Variants in PDZD2 observed in about 807,000 individuals in gnomAD.
The protein encoded by PDZD2 is PDZ domain containing 2, also known as PDZ domain-containing protein 2.
In PDZD2, 90 loss-of-function variants were observed where a neutral mutation model predicts 220.7. The observed-to-expected ratio is 0.41, with a 90% CI of 0.34 to 0.49. PDZD2 has a LOEUF of 0.49. Among genes scored for constraint, PDZD2 ranks in the 20% least tolerant of loss-of-function variants. The pLI is 0.28. For synonymous variants in PDZD2, 1,375 were observed against 1,450.5 expected, an observed-to-expected ratio of 0.95 and a Z score of 1.18; for missense variants, 3,174 against 3,608.5, an observed-to-expected ratio of 0.88 and a Z score of 3.08.
At chr5:31,932,133 G>A (rs919099497) in intron 2 of PDZD2, among the ~76,000 whole-genome samples, 67 of 152,174 alleles carry the variant, frequency 4.4e-4, no homozygotes, top group Admixed American at 4.3e-3. Flanking sequence ...AAGGGGAGAA[G>A]GAAATGTTAG....
intron 1 of PDZD2, among the ~76,000 whole-genome samples, chr5:31,760,911 A>G (rs1051334160): frequency 1.3e-5 from 2 of 152,204 alleles, no homozygotes; most frequent in Non-Finnish European, 2.9e-5. Context: ...GATGAGAGCG[A>G]GACCCTGTCT....
chr5:31,803,971 C>T (rs1199069195), intron 2 of PDZD2, among the ~76,000 whole-genome samples: 1 of 150,410 alleles, frequency 6.6e-6, no homozygotes, highest in Admixed American at 6.6e-5. Context: ...CCCAGGAGGT[C>T]GATCGAGGCT....
chr5:32,011,349 A>T (rs1189910321), intron 6 of PDZD2, among the ~76,000 whole-genome samples: 1 of 142,182 alleles, frequency 7.0e-6, no homozygotes. Flanking sequence ...AAAAAAAAAA[A>T]TTAGCCAGGT....
chr5:31,939,110 A>G (rs561435218), intron 2 of PDZD2, among the ~76,000 whole-genome samples: 2 of 152,264 alleles, frequency 1.3e-5, no homozygotes, highest in Admixed American at 1.3e-4. Flanking sequence ...TATGAAAAGT[A>G]TGGCGCCCCA....
At chr5:31,937,117 C>T (rs990699521) in intron 2 of PDZD2, among the ~76,000 whole-genome samples, 2 of 152,146 alleles carry the variant, frequency 1.3e-5, no homozygotes, top group Non-Finnish European at 2.9e-5. Flanking sequence ...CAGGGTGTTC[C>T]TTCCGTTGTC....
In PDZD2 at chr5:32,090,992, A is replaced by C; in HGVS notation, c.7544A>C (p.Glu2515Ala). Residue 2515 changes from glutamate (E) to alanine (A), a missense_variant, in exon 20 of 25, where the codon GAG becomes GCG. By Grantham distance (107) the Glu-to-Ala change is moderately radical. Transcript: ENST00000438447. This position sits in a 1 kb window ranked among gnomAD's most constrained non-coding sequence, Gnocchi z 4.3. ...GCCGTGCTCTTCAAAACTGAGCTGG[A>C]GATCACCCCCAGGAGGTCACCTGGC... ...PSAVLFKTEL[E>A]ITPRRSPGPP... 6.2e-7 allele frequency: 1 copy of C among 1,613,914 alleles called. No homozygotes were observed. The highest frequency in any genetic ancestry group is 8.5e-7 in the Non-Finnish European group (1 of 1,179,994).
chr5:31,832,273 G>A (rs975414938), intron 2 of PDZD2, among the ~76,000 whole-genome samples: 13 of 147,056 alleles, frequency 8.8e-5, no homozygotes, highest in African/African-American at 2.5e-4. Flanking sequence ...GAGAAGGGAC[G>A]AATGGAGAGT....
chr5:31,712,716 G>C (rs66794813), intron 1 of PDZD2, among the ~76,000 whole-genome samples: 1 of 152,054 alleles, frequency 6.6e-6, no homozygotes, highest in Non-Finnish European at 1.5e-5. Flanking sequence ...AGGAGTGGAG[G>C]AATACACTTT....
intron 1 of PDZD2, among the ~76,000 whole-genome samples, chr5:31,667,325 G>A (rs948719872): frequency 6.6e-6 from 1 of 151,546 alleles, no homozygotes; most frequent in Non-Finnish European, 1.5e-5. Flanking sequence ...GGGTGAGTGA[G>A]ACACTCAAAA....
intron 2 of PDZD2, among the ~76,000 whole-genome samples, chr5:31,872,269 C>T (rs1023878501): frequency 4.0e-5 from 6 of 151,886 alleles, no homozygotes; most frequent in Non-Finnish European, 7.4e-5. Context: ...ATCTCAGGGT[C>T]GGTCAACTTG....
At chr5:31,881,360 GTGTGTGTGTA>G (rs1199535826) in intron 2 of PDZD2, among the ~76,000 whole-genome samples, 15 of 133,682 alleles carry the variant, frequency 1.1e-4, no homozygotes, top group Admixed American at 2.8e-4. Context: ...GTGTGTGTGT[GTGTGTGTGTA>G]TATATTTTTT....
chr5:32,088,597 C>T lies in PDZD2; in HGVS notation c.5149C>T (p.His1717Tyr), dbSNP rs554527310. ...CAGTCCGCTGTCTAAAGTAGCCAGG[C>T]ATTTTCACAGTCCGCCCATCATTCT... ...ENSPLSKVAR[H>Y]FHSPPIILSS... The change falls in exon 20 of 25, where the codon CAT becomes TAT. Residue 1717 changes from histidine to tyrosine, a missense_variant. By Grantham distance (83) the His-to-Tyr change is moderately conservative. Transcript: ENST00000438447. The surrounding 1 kb of genome is among the most constrained non-coding windows in gnomAD (Gnocchi z 4.6). 11 of 1,614,038 alleles carry T rather than the reference C, an allele frequency of 6.8e-6. No individual in the cohort carries two copies. The highest frequency in any genetic ancestry group is 1.6e-4 in the Middle Eastern group (1 of 6,082).
intron 1 of PDZD2, among the ~76,000 whole-genome samples, chr5:31,791,502 A>G (rs562652822): frequency 7.5e-4 from 107 of 143,360 alleles, no homozygotes; most frequent in Middle Eastern, 3.6e-3. Context: ...AGGCAGGAGA[A>G]TTGCTTGAAC....
At chr5:32,010,608 C>A in intron 6 of PDZD2, 126 bp downstream of exon 6, 1 of 754,954 alleles carries the variant, frequency 1.3e-6, no homozygotes, top group South Asian at 1.4e-5. Context: ...GACACCAGTG[C>A]ATTCTTTCTA....
At chr5:31,986,964 T>C (rs1750770466) in intron 3 of PDZD2, among the ~76,000 whole-genome samples, 1 of 152,212 alleles carries the variant, frequency 6.6e-6, no homozygotes, top group Admixed American at 6.5e-5. Context: ...GTATTTTCTA[T>C]AAAACATTAA....
intron 1 of PDZD2, among the ~76,000 whole-genome samples, chr5:31,678,665 G>T (rs1746537967): frequency 6.6e-6 from 1 of 152,124 alleles, no homozygotes; most frequent in Admixed American, 6.6e-5. Context: ...GCCCAGGTTG[G>T]AGTACAGTGG....
At chr5:31,685,219 A>G (rs1746805092) in intron 1 of PDZD2, among the ~76,000 whole-genome samples, 1 of 151,996 alleles carries the variant, frequency 6.6e-6, no homozygotes, top group Admixed American at 6.6e-5. Context: ...TTTCCAGAGG[A>G]GCTTTCTAAA....
intron 3 of PDZD2, 143 bp downstream of exon 3, chr5:31,983,799 G>A (rs1750499519): frequency 1.2e-6 from 1 of 833,538 alleles, no homozygotes. Flanking sequence ...TGCTTTTAAG[G>A]TTTAAAAAAT....
intron 1 of PDZD2, among the ~76,000 whole-genome samples, chr5:31,759,970 T>C (rs895215452): frequency 2.0e-5 from 3 of 152,172 alleles, no homozygotes; most frequent in Non-Finnish European, 4.4e-5. Context: ...AAAGGAGATA[T>C]GGTTTACACA....
Sources: allele counts gnomAD v4.1 joint callset (sites outside exome capture counted in the v4.1 genomes callset), GRCh38; gene constraint gnomAD v4.1.1; non-coding constraint Gnocchi (gnomAD v3.1); transcripts MANE v1.5; gene names NCBI Gene and HGNC (gene_info 2026-07-23, HGNC 2026-07-21).